FMN2: variants seen among roughly 807,000 people sequenced by gnomAD.
FMN2 encodes the protein formin-2.
A neutral mutation model predicts 142.3 loss-of-function variants in FMN2; 51 were observed. The observed-to-expected ratio is 0.36, with a 90% confidence interval of 0.29 to 0.45. The LOEUF is 0.45. Among genes scored for constraint, FMN2 ranks in the 20% least tolerant of loss-of-function variants. FMN2 has a pLI of 1.00. For missense variants in FMN2, 1,936 were observed against 2,122.8 expected (o/e 0.91, Z 1.73); for synonymous variants, 882 against 869.8 (o/e 1.01, Z -0.25).
intron 4 of FMN2, among the ~76,000 whole-genome samples, chr1:240,196,423 T>G (rs1665911254): frequency 6.6e-6 from 1 of 152,114 alleles, no homozygotes; most frequent in African/African-American, 2.4e-5. Context: ...TGGGAGCTGG[T>G]TAGATATGCA....
At chr1:240,289,557 T>C (rs11581529) in intron 7 of FMN2, among the ~76,000 whole-genome samples, 10,167 of 151,898 alleles carry the variant, frequency 0.067, 413 homozygotes, top group East Asian at 0.13. Context: ...CATGTACCTG[T>C]TGTCCCCGCC....
intron 14 of FMN2, among the ~76,000 whole-genome samples, chr1:240,379,341 G>T (rs1673151379): frequency 6.6e-6 from 1 of 152,062 alleles, no homozygotes. Flanking sequence ...TATTTTCTTG[G>T]TGGTTCTTTG....
chr1:240,093,624 C>G lies in FMN2; in HGVS notation c.1515C>G (p.Arg505=). The change falls in exon 1 of 18, where the codon CGC becomes CGG. Residue 505 remains arginine (R), a synonymous_variant. Coordinates refer to ENST00000319653, the MANE Select transcript of FMN2 (RefSeq NM_020066.5). The stretch of plus-strand genomic sequence containing the variant: ...GAGGCTCCGCGCACCTGCTGGAGCG[C>G]GGGGTGGCGAGTGACAGCGGCGGTG... The part of the protein sequence containing the change: ...RVGGSAHLLE[R]GVASDSGGGV... The G allele has an allele frequency of 7.0e-7, 1 of 1,421,750 alleles. No homozygotes were observed. The highest frequency in any genetic ancestry group is 2.8e-5 in the East Asian group (1 of 36,146). 88.1% of individuals were successfully genotyped at this position (1,421,750 alleles called of 1,614,324 possible).
At chr1:240,147,743 C>G (rs1359320285) in intron 2 of FMN2, among the ~76,000 whole-genome samples, 1 of 152,200 alleles carries the variant, frequency 6.6e-6, no homozygotes, top group Non-Finnish European at 1.5e-5. Flanking sequence ...TTATGACCTA[C>G]AGGGACCTCC....
intron 14 of FMN2, among the ~76,000 whole-genome samples, chr1:240,376,196 C>A (rs943310300): frequency 7.9e-5 from 12 of 151,914 alleles, no homozygotes; most frequent in Admixed American, 2.6e-4. Context: ...TTACTTTAAA[C>A]CTAATTGTGT....
intron 6 of FMN2, among the ~76,000 whole-genome samples, chr1:240,243,417 TA>T (rs34410934): frequency 0.046 from 7,030 of 152,252 alleles, 335 homozygotes; most frequent in African/African-American, 0.11. Flanking sequence ...TCACACTTTG[TA>T]AATTCCCAAG....
At chr1:240,386,222 C>A (rs190352012) in intron 14 of FMN2, among the ~76,000 whole-genome samples, 18 of 152,286 alleles carry the variant, frequency 1.2e-4, no homozygotes, top group Admixed American at 9.8e-4. Flanking sequence ...AATATATCTT[C>A]AGTTAAATGA....
chr1:240,149,321 AT>A (rs1459623678), intron 2 of FMN2, among the ~76,000 whole-genome samples: 32 of 152,322 alleles, frequency 2.1e-4, no homozygotes, highest in Non-Finnish European at 2.9e-4. Flanking sequence ...TTTTACAGAT[AT>A]TTTTATCTGC....
intron 7 of FMN2, among the ~76,000 whole-genome samples, chr1:240,272,932 A>G (rs556074218): frequency 6.6e-6 from 1 of 152,188 alleles, no homozygotes; most frequent in African/African-American, 2.4e-5. Context: ...TGATTAAGAA[A>G]ATAAGTTGTA....
At chr1:240,367,591 A>AC (rs1455791121) in intron 14 of FMN2, among the ~76,000 whole-genome samples, 17 of 151,812 alleles carry the variant, frequency 1.1e-4, no homozygotes, top group Non-Finnish European at 2.5e-4. Context: ...ACACGGTGAA[A>AC]CCCCATCTCT....
At chr1:240,355,740 G>T in intron 13 of FMN2, 76 bp from the exon 14 acceptor site, 2 of 978,214 alleles carry the variant, frequency 2.0e-6, no homozygotes, top group East Asian at 5.0e-5. Flanking sequence ...TCTAACATTA[G>T]CTAAGATGTT....
At chr1:240,382,603 G>C (rs1673265404) in intron 14 of FMN2, among the ~76,000 whole-genome samples, 1 of 152,096 alleles carries the variant, frequency 6.6e-6, no homozygotes, top group Admixed American at 6.5e-5. Flanking sequence ...GGGGGTTGCA[G>C]TGAACCGAGA....
intron 2 of FMN2, among the ~76,000 whole-genome samples, chr1:240,128,818 G>A (rs868617321): frequency 3.3e-5 from 5 of 152,122 alleles, no homozygotes; most frequent in Non-Finnish European, 7.3e-5. Flanking sequence ...CATTGTTACC[G>A]TAGACAAAAA....
intron 11 of FMN2, 62 bp downstream of exon 11, chr1:240,330,811 G>A: frequency 6.4e-7 from 1 of 1,558,944 alleles, no homozygotes; most frequent in South Asian, 1.2e-5. Flanking sequence ...TTTAGTAATG[G>A]GTTTGAATGT....
intron 6 of FMN2, among the ~76,000 whole-genome samples, chr1:240,251,711 T>G (rs1668283442): frequency 6.6e-6 from 1 of 152,214 alleles, no homozygotes; most frequent in South Asian, 2.1e-4. Flanking sequence ...TGTCTCTCCC[T>G]TTAGATCTAA....
At chr1:240,231,721 TC>T (rs1453687338) in intron 6 of FMN2, among the ~76,000 whole-genome samples, 1 of 152,234 alleles carries the variant, frequency 6.6e-6, no homozygotes, top group Admixed American at 6.5e-5. Flanking sequence ...CGAGATTTTT[TC>T]TACCCAAACA....
Position 240,123,236 on chromosome 1 carries a change from C to T in FMN2, c.1673C>T (p.Ala558Val). Residue 558 changes from alanine (A) to valine (V), a missense_variant, in exon 2 of 18, where the codon GCA becomes GTA. Coordinates refer to ENST00000319653, the MANE Select transcript of FMN2 (RefSeq NM_020066.5). ...SQQENGPPEEAEKFCSRIIAM... is the reference protein window; with the variant it reads ...SQQENGPPEEVEKFCSRIIAM... ...CAGGAGAACGGGCCTCCAGAAGAAG[C>T]AGAGAAGTTTTGCTCCCGGATCATT... The T allele has an allele frequency of 6.2e-7, 1 of 1,614,160 alleles. No individual in the cohort carries two copies. The highest frequency in any genetic ancestry group is 8.5e-7 in the Non-Finnish European group (1 of 1,180,032).
intron 15 of FMN2, among the ~76,000 whole-genome samples, chr1:240,396,303 C>CTTGTGTGT (rs71170739): frequency 3.8e-4 from 54 of 142,828 alleles, no homozygotes; most frequent in Middle Eastern, 3.7e-3. Flanking sequence ...CCGAGGTTTT[C>CTTGTGTGT]GTGTGTGTGT....
rs780595882 is a variant in FMN2 at position 240,328,147 on chromosome 1, C to CAAAAAAA, written c.4216-910_4216-904dup. Among the ~76,000 whole-genome samples, 100 of 51,406 alleles carry CAAAAAAA rather than the reference C, an allele frequency of 1.9e-3. 3 individuals are homozygous for CAAAAAAA. Among genetic ancestry groups the CAAAAAAA allele is most frequent in the Middle Eastern group, 0.021 (1 of 48 alleles). 33.7% of individuals were successfully genotyped at this position (51,406 alleles called of 152,430 possible). On this transcript the variant is annotated intron_variant, in intron 8 of 17. Coordinates refer to ENST00000319653, the MANE Select transcript of FMN2 (RefSeq NM_020066.5). ...TGGGTGACGGAGCAAGACCCCATCTCAAAAAAAAAAAAAAAAAAAAAAAAA... is the reference window on the plus strand; with the variant it reads ...TGGGTGACGGAGCAAGACCCCATCTCAAAAAAAAAAAAAAAAAAAAAAAAAAAAAAAA...
Sources: allele counts gnomAD v4.1 joint callset (sites outside exome capture counted in the v4.1 genomes callset), GRCh38; gene constraint gnomAD v4.1.1; transcripts MANE v1.5; gene names NCBI Gene and HGNC (gene_info 2026-07-23, HGNC 2026-07-21).